Variants in CUX1 observed in about 807,000 individuals in gnomAD.
CUX1 encodes the protein protein CASP.
A neutral mutation model predicts 158.8 loss-of-function variants in CUX1; 31 were observed. That is an observed-to-expected ratio of 0.20 (90% CI 0.15 to 0.26). The LOEUF (loss-of-function observed/expected upper bound fraction) is 0.26, where lower values mean the gene tolerates loss of function less well. Ranked by LOEUF, CUX1 falls within the 10% of genes least tolerant of loss-of-function variation. The pLI is 1.00. For synonymous variants in CUX1, 879 were observed against 862.1 expected, an observed-to-expected ratio of 1.02 and a Z score of -0.34; for missense variants, 1,589 against 2,014.6, an observed-to-expected ratio of 0.79 and a Z score of 4.04.
At chr7:102,267,153 C>T (rs1790872430) in intron 14 of CUX1, among the ~76,000 whole-genome samples, 1 of 152,050 alleles carries the variant, frequency 6.6e-6, no homozygotes, top group Non-Finnish European at 1.5e-5. Flanking sequence ...GATGAGGCAG[C>T]AGCTTGGCCC....
chr7:102,222,304 G>A (rs548539888), intron 20 of CUX1, among the ~76,000 whole-genome samples: 1 of 152,192 alleles, frequency 6.6e-6, no homozygotes, highest in African/African-American at 2.4e-5. Flanking sequence ...AGAGTGAAAT[G>A]ACGCAGGAAT....
chr7:102,015,667 C>T (rs17487797), intron 2 of CUX1, among the ~76,000 whole-genome samples: 64,377 of 152,004 alleles, frequency 0.42, 14,277 homozygotes, highest in Non-Finnish European at 0.46. Flanking sequence ...TTCATTGTTA[C>T]CATGTTGGGA....
chr7:102,022,736 T>C (rs918413749), intron 2 of CUX1, among the ~76,000 whole-genome samples: 3 of 152,274 alleles, frequency 2.0e-5, no homozygotes, highest in Non-Finnish European at 2.9e-5. Context: ...TGAGCTATTT[T>C]GGCTTTTGCC....
At chr7:102,142,305 G>A (rs1304516547) in intron 8 of CUX1, among the ~76,000 whole-genome samples, 1 of 152,210 alleles carries the variant, frequency 6.6e-6, no homozygotes, top group African/African-American at 2.4e-5. Flanking sequence ...AACAGAACCT[G>A]AAAGGTGGTT....
rs374691532 is a variant in CUX1, at chr7:101,900,005, A to G, written c.31-16110A>G. On this transcript the variant is annotated intron_variant, in intron 1 of 23. Coordinates refer to ENST00000292535, the MANE Select transcript of CUX1 (RefSeq NM_181552.4). ...GGTGGTTAGCAATAGCTCTTTAGCT[A>G]GCTTTACAGAGTCTAAGTTAAAGAG... Among the ~76,000 whole-genome samples, 14 of 152,312 alleles carry G rather than the reference A, an allele frequency of 9.2e-5. No homozygotes were observed. In the East Asian group the frequency reaches 2.7e-3, roughly 29 times the overall value.
intron 16 of CUX1, among the ~76,000 whole-genome samples, 174 bp from the exon 17 acceptor site, chr7:102,199,897 C>T (rs559263159): frequency 9.9e-5 from 15 of 152,226 alleles, no homozygotes; most frequent in Non-Finnish European, 1.6e-4. Context: ...CCCTCCTGCC[C>T]GGTGTCGCTG....
chr7:102,082,506 G>A (rs1450240461), intron 4 of CUX1, among the ~76,000 whole-genome samples: 1 of 147,230 alleles, frequency 6.8e-6, no homozygotes, highest in East Asian at 1.9e-4. Context: ...GCAACAGAGC[G>A]AGACTGTCTA....
At chr7:102,106,118 C>T (rs1554488366) in intron 6 of CUX1, among the ~76,000 whole-genome samples, 1 of 112,594 alleles carries the variant, frequency 8.9e-6, no homozygotes, top group Non-Finnish European at 1.7e-5. Context: ...GATGGAGTCT[C>T]ACTCTGTCAC....
At chr7:101,905,307 T>C (rs1271969642) in intron 1 of CUX1, among the ~76,000 whole-genome samples, 1 of 152,234 alleles carries the variant, frequency 6.6e-6, no homozygotes, top group Non-Finnish European at 1.5e-5. Context: ...ATGCTCATTC[T>C]TCTCCCAATT....
At chr7:102,124,432 C>T (rs541809272) in intron 8 of CUX1, among the ~76,000 whole-genome samples, 5 of 152,352 alleles carry the variant, frequency 3.3e-5, no homozygotes, top group African/African-American at 1.2e-4. Context: ...GAGGAAGTGA[C>T]CTATGTGCCC....
intron 2 of CUX1, among the ~76,000 whole-genome samples, chr7:101,984,351 C>T (rs1449832086): frequency 1.3e-5 from 2 of 151,022 alleles, no homozygotes; most frequent in African/African-American, 4.9e-5. Context: ...TCCTGATGAT[C>T]TGTAAAGTGT....
In CUX1 at chr7:102,255,815, C is replaced by A. The variant is rs576390692; in HGVS notation, c.*6773C>A. On this transcript the variant is annotated 3_prime_UTR_variant, in exon 24 of 24. Transcript: ENST00000292535. ...TTATAATTCTTTTTTCCCCCCTTTT[C>A]CTTCTTCTTTTTTATTATTTTATTA... 9.1e-4 allele frequency: 893 copies of A among 984,542 alleles called. 4 individuals carry two copies. The Middle Eastern group carries it at 0.016, about 17-fold the overall frequency. 61.0% of individuals were successfully genotyped at this position (984,542 alleles called of 1,614,324 possible). A position where few individuals can be genotyped will look rare whatever the true frequency, so the allele number is the denominator to read the frequency against.
intron 22 of CUX1, among the ~76,000 whole-genome samples, chr7:102,237,951 GAC>G (rs1215705082): frequency 3.9e-5 from 6 of 152,190 alleles, no homozygotes; most frequent in African/African-American, 1.4e-4. Flanking sequence ...AGAGAGAGGA[GAC>G]AAAGAGAGAA....
At chr7:101,841,975 G>C (rs1026852720) in intron 1 of CUX1, among the ~76,000 whole-genome samples, 1 of 151,820 alleles carries the variant, frequency 6.6e-6, no homozygotes, top group African/African-American at 2.4e-5. Context: ...TTGACATGTA[G>C]TGCTTTCATT....
intron 9 of CUX1, 58 bp from the exon 10 acceptor site, chr7:102,170,388 A>T: frequency 8.4e-7 from 1 of 1,188,734 alleles, no homozygotes; most frequent in Non-Finnish European, 1.2e-6. Flanking sequence ...TTCTTGTAAT[A>T]ATTGTCAGTT....
chr7:102,162,100 AT>A (rs1790492692), intron 9 of CUX1, among the ~76,000 whole-genome samples: 1 of 151,740 alleles, frequency 6.6e-6, no homozygotes, highest in Non-Finnish European at 1.5e-5. Context: ...AAGAGGAATA[AT>A]TTCAGGAATC....
chr7:101,856,723 A>G (rs1796873382), intron 1 of CUX1, among the ~76,000 whole-genome samples: 2 of 152,198 alleles, frequency 1.3e-5, no homozygotes, highest in South Asian at 4.1e-4. Flanking sequence ...TTTTCTACGC[A>G]GAAACCCTCC....
intron 10 of CUX1, among the ~76,000 whole-genome samples, chr7:102,177,491 G>A (rs781832960): frequency 2.6e-5 from 4 of 151,828 alleles, no homozygotes; most frequent in South Asian, 4.2e-4. Flanking sequence ...CTCAGCTTCC[G>A]GGTAATTTAA....
intron 23 of CUX1, among the ~76,000 whole-genome samples, chr7:102,244,009 A>T (rs1031798531): frequency 6.6e-6 from 1 of 152,148 alleles, no homozygotes; most frequent in Admixed American, 6.5e-5. Flanking sequence ...CCTGGGCAAC[A>T]GAGCAAAACT....
Sources: gnomAD v4.1 joint callset for allele counts (sites outside exome capture counted in the v4.1 genomes callset) on GRCh38, gnomAD v4.1.1 for gene constraint, MANE v1.5 for transcripts, NCBI Gene and HGNC (gene_info 2026-07-23, HGNC 2026-07-21) for gene names.